The following MMP20 variants were observed in gnomAD, a reference collection of about 807,000 sequenced individuals.
The protein encoded by MMP20 is matrix metallopeptidase 20.
Under a neutral mutation model 51.8 loss-of-function variants are expected in MMP20, and 50 were observed. That is an observed-to-expected ratio of 0.97 (90% CI 0.77 to 1.22). The LOEUF (loss-of-function observed/expected upper bound fraction) is 1.22. Among genes scored for constraint, MMP20 ranks in the 50% most tolerant of loss-of-function variants. The probability of loss-of-function intolerance (pLI) is 0.00; values close to 1 mark genes in which losing one functional copy is unlikely to be tolerated. For synonymous variants in MMP20, 244 were observed against 216.2 expected, an observed-to-expected ratio of 1.13 and a Z score of -1.13; for missense variants, 663 against 601.4, an observed-to-expected ratio of 1.10 and a Z score of -1.07.
chr11:102,579,493 A>G (rs1859168606), intron 8 of MMP20, among the ~76,000 whole-genome samples: 1 of 151,598 alleles, frequency 6.6e-6, no homozygotes, highest in Admixed American at 6.6e-5. Flanking sequence ...TTTATTTTTT[A>G]TAAAGACAGG....
intron 7 of MMP20, 110 bp from the exon 8 acceptor site, chr11:102,593,705 G>A: frequency 8.3e-7 from 1 of 1,210,832 alleles, no homozygotes; most frequent in Non-Finnish European, 1.2e-6. Flanking sequence ...TGGGATACTT[G>A]CCATGGCTAT....
At chr11:102,608,890 T>C in intron 5 of MMP20, 47 bp downstream of exon 5, 1 of 1,589,788 alleles carries the variant, frequency 6.3e-7, no homozygotes, top group Non-Finnish European at 8.6e-7. Flanking sequence ...GGAGACTGAA[T>C]GCCTGCCAAT....
At position 102,592,432 on chromosome 11, in the gene MMP20, AAT is replaced by A. The variant is rs143589674; in HGVS notation, c.1247+1005_1247+1006del. ...ATAAAAGAAATTTGCTTTCTTATGA[AAT>A]ATATTTATGTGCCTCACTTATATTA... On this transcript the variant is annotated intron_variant, in intron 8 of 9. Coordinates refer to ENST00000260228, the MANE Select transcript of MMP20 (RefSeq NM_004771.4). Among the ~76,000 whole-genome samples, 303 of 152,346 alleles carry A rather than the reference AAT, an allele frequency of 2.0e-3. 1 individual carries two copies. The highest frequency in any genetic ancestry group is 3.4e-3 in the Non-Finnish European group (229 of 68,036).
At chr11:102,581,462 G>A (rs546495774) in intron 8 of MMP20, among the ~76,000 whole-genome samples, 2 of 152,312 alleles carry the variant, frequency 1.3e-5, no homozygotes, top group Admixed American at 6.5e-5. Context: ...TCAGAGAGGG[G>A]ATTAAGATGA....
rs576133616 is a variant in MMP20 at position 102,613,360 on chromosome 11, C to T, written c.375-1457G>A. ...GAGAGCCAACCCCATGAGCAGGGAC[C>T]GGCCCTGCTTTCTCTCTCTCTCTCT... On this transcript the variant is annotated intron_variant, in intron 2 of 9. Transcript: ENST00000260228. Among the ~76,000 whole-genome samples, 11 of 152,242 alleles carry T rather than the reference C, an allele frequency of 7.2e-5. No homozygotes were observed. The South Asian group carries it at 1.9e-3, about 26-fold the overall frequency.
chr11:102,601,601 A>G (rs1446637435), intron 6 of MMP20, among the ~76,000 whole-genome samples: 1 of 152,054 alleles, frequency 6.6e-6, no homozygotes, highest in Non-Finnish European at 1.5e-5. Context: ...TTTATGTGGG[A>G]GATTCAAAAC....
chr11:102,617,007 AT>A lies in MMP20; in HGVS notation c.178del (p.Met60TrpfsTer9). On this transcript the variant is annotated frameshift_variant, in exon 2 of 10. Coordinates refer to ENST00000260228, the MANE Select transcript of MMP20 (RefSeq NM_004771.4). LOFTEE classifies it high-confidence loss of function. ...TNKEGHQIGE[M>X]VARGSNSMIR... ...CATGGAATTGCTTCCTCTTGCAACC[AT>A]CTCACCAATCTGGTGTCCTTCTTTA... The A allele has an allele frequency of 6.2e-7, 1 of 1,614,150 alleles. No homozygotes were observed. The highest frequency in any genetic ancestry group is 1.6e-4 in the Middle Eastern group (1 of 6,062).
intron 1 of MMP20, among the ~76,000 whole-genome samples, chr11:102,619,388 A>G (rs2135948212): frequency 6.6e-6 from 1 of 152,268 alleles, no homozygotes; most frequent in South Asian, 2.1e-4. Flanking sequence ...GCTCATGATA[A>G]ATTAAGTGGA....
At position 102,608,631 on chromosome 11, in the gene MMP20, A is replaced by T. The variant is rs17174331; in HGVS notation, c.811+306T>A. Reference sequence around the variant, plus strand: ...TAAGCACCACATATATGAACTATAAACTATATCCATCCTCTCCCAATGTGT... The same window carrying T: ...TAAGCACCACATATATGAACTATAATCTATATCCATCCTCTCCCAATGTGT... On this transcript the variant is annotated intron_variant, in intron 5 of 9. Transcript: ENST00000260228. 1.1e-3 allele frequency among the ~76,000 whole-genome samples: 163 copies of T among 152,338 alleles called. 5 individuals carry two copies. In the East Asian group the frequency reaches 0.024, roughly 22 times the overall value.
chr11:102,597,245 G>C (rs1632456), intron 6 of MMP20, among the ~76,000 whole-genome samples: 78,168 of 152,020 alleles, frequency 0.51, 20,642 homozygotes, highest in South Asian at 0.67. Flanking sequence ...AAATCAACAA[G>C]CAACTCTAGG....
intron 1 of MMP20, among the ~76,000 whole-genome samples, chr11:102,624,238 C>T (rs1859787673): frequency 6.6e-6 from 1 of 152,146 alleles, no homozygotes; most frequent in African/African-American, 2.4e-5. Context: ...AGCTGGTGAT[C>T]ACAGATGTGC....
intron 6 of MMP20, among the ~76,000 whole-genome samples, chr11:102,599,083 G>T (rs545213220): frequency 4.7e-5 from 7 of 149,308 alleles, no homozygotes; most frequent in African/African-American, 1.7e-4. Flanking sequence ...CGCAATCTCA[G>T]CTCACTGCAA....
Position 102,612,738 on chromosome 11 carries a change from C to CTTT in MMP20, c.375-838_375-836dup, listed in dbSNP as rs35861660. 3.6e-3 allele frequency among the ~76,000 whole-genome samples: 464 copies of CTTT among 127,176 alleles called. 11 individuals carry two copies. The highest frequency in any genetic ancestry group is 8.0e-3 in the African/African-American group (275 of 34,220). The allele number at this position is 127,176 out of a possible 152,430, so 83.4% of individuals were successfully genotyped here. A position where few individuals can be genotyped will look rare whatever the true frequency, so the allele number is the denominator to read the frequency against. On this transcript the variant is annotated intron_variant, in intron 2 of 9. Coordinates refer to ENST00000260228, the MANE Select transcript of MMP20 (RefSeq NM_004771.4). ...TTTCTTTTTTCTTTTTCTTTTCTTT[C>CTTT]TTTTTTTTTTTTTTTGAGATGGAGT...
At chr11:102,606,206 C>T (rs1859513196) in intron 6 of MMP20, among the ~76,000 whole-genome samples, 1 of 152,222 alleles carries the variant, frequency 6.6e-6, no homozygotes, top group African/African-American at 2.4e-5. Flanking sequence ...TTAACTGTCA[C>T]CTTGGGAAAC....
chr11:102,594,082 A>G lies in MMP20; in HGVS notation c.1091-487T>C, dbSNP rs1359551094. ...ACGCACCTTCAAGGTTTATATTGCTATAATCACTTTGCAGAGGAAGAAATG... is the reference window on the plus strand; with the variant it reads ...ACGCACCTTCAAGGTTTATATTGCTGTAATCACTTTGCAGAGGAAGAAATG... On this transcript the variant is annotated intron_variant, in intron 7 of 9. Transcript: ENST00000260228. Among the ~76,000 whole-genome samples the G allele has an allele frequency of 9.8e-5, 15 of 152,302 alleles. No individual in the cohort carries two copies. The East Asian group carries it at 2.5e-3, about 25-fold the overall frequency.
chr11:102,584,877 T>A (rs1490100210), intron 8 of MMP20, among the ~76,000 whole-genome samples: 1 of 152,166 alleles, frequency 6.6e-6, no homozygotes, highest in Admixed American at 6.5e-5. Flanking sequence ...TTGTTGAAGA[T>A]ACCATTTTTC....
At chr11:102,585,808 TG>T (rs751562992) in intron 8 of MMP20, among the ~76,000 whole-genome samples, 12 of 152,330 alleles carry the variant, frequency 7.9e-5, no homozygotes, top group Admixed American at 2.6e-4. Flanking sequence ...GGTTGCTGAA[TG>T]TTTTTTTATC....
chr11:102,608,462 C>G (rs1859548009), intron 5 of MMP20, among the ~76,000 whole-genome samples: 1 of 152,202 alleles, frequency 6.6e-6, no homozygotes, highest in South Asian at 2.1e-4. Flanking sequence ...ACTTCACACC[C>G]CACAGGTTGG....
rs548699970 is a variant in MMP20 at position 102,579,068 on chromosome 11, C to T, written c.1322G>A (p.Gly441Asp). The T allele has an allele frequency of 1.5e-5, 25 of 1,613,250 alleles. No homozygotes were observed. The East Asian group carries it at 4.9e-4, about 32-fold the overall frequency. ...NTEEEFSGVN[G>D]QIDAAVELNG... ...TAATTCTACAGCAGCATCGATTTGG[C>T]CATTTACTCCTGAAAATTCTTCTTC... Residue 441 changes from glycine to aspartate, a missense_variant, in exon 9 of 10, where the codon GGC becomes GAC. By Grantham distance (94) the Gly-to-Asp change is moderately conservative. Coordinates refer to ENST00000260228, the MANE Select transcript of MMP20 (RefSeq NM_004771.4).
Sources: allele counts gnomAD v4.1 joint callset (sites outside exome capture counted in the v4.1 genomes callset), GRCh38; gene constraint gnomAD v4.1.1; transcripts MANE v1.5; gene names NCBI Gene and HGNC (gene_info 2026-07-23, HGNC 2026-07-21).